Variants in KDM4C observed in about 807,000 individuals in gnomAD.
The protein encoded by KDM4C is lysine-specific demethylase 4C.
Under a neutral mutation model 129.3 loss-of-function variants are expected in KDM4C, and 81 were observed. That is an observed-to-expected ratio of 0.63 (90% CI 0.52 to 0.75). KDM4C has a LOEUF of 0.75. Ranked by LOEUF, KDM4C falls within the 30% of genes least tolerant of loss-of-function variation. The pLI is 0.00. For synonymous variants in KDM4C, 573 were observed against 456.1 expected, an observed-to-expected ratio of 1.26 and a Z score of -3.26; for missense variants, 1,457 against 1,304.0, an observed-to-expected ratio of 1.12 and a Z score of -1.81.
chr9:6,902,144 C>G (rs1480510261), intron 8 of KDM4C, among the ~76,000 whole-genome samples: 1 of 152,128 alleles, frequency 6.6e-6, no homozygotes, highest in Non-Finnish European at 1.5e-5. Context: ...AAAACATTAA[C>G]TTAATATCTA....
At chr9:7,088,295 G>C (rs1218257005) in intron 17 of KDM4C, among the ~76,000 whole-genome samples, 1 of 152,198 alleles carries the variant, frequency 6.6e-6, no homozygotes, top group Non-Finnish European at 1.5e-5. Flanking sequence ...ATGCTGTTTT[G>C]TTCATTCACA....
At chr9:7,056,505 A>G (rs1822269439) in intron 17 of KDM4C, among the ~76,000 whole-genome samples, 1 of 152,228 alleles carries the variant, frequency 6.6e-6, no homozygotes, top group Admixed American at 6.5e-5. Flanking sequence ...TCAGATGGGC[A>G]TGGCTACAAA....
intron 8 of KDM4C, among the ~76,000 whole-genome samples, chr9:6,935,584 A>ATT (rs61292057): frequency 2.0e-4 from 29 of 144,780 alleles, no homozygotes; most frequent in South Asian, 4.4e-4. Context: ...CGCCCGGCTA[A>ATT]TTTTTTTTTT....
At chr9:6,745,337 A>ATG (rs1817839084) in intron 1 of KDM4C, among the ~76,000 whole-genome samples, 2 of 151,932 alleles carry the variant, frequency 1.3e-5, no homozygotes, top group Non-Finnish European at 2.9e-5. Flanking sequence ...GGTGGCTCGC[A>ATG]CCTATAATCC....
At chr9:6,819,309 A>G (rs1052212537) in intron 4 of KDM4C, among the ~76,000 whole-genome samples, 1 of 152,200 alleles carries the variant, frequency 6.6e-6, no homozygotes, top group South Asian at 2.1e-4. Flanking sequence ...TTTGAAAGCC[A>G]TTTACTCATT....
At chr9:6,839,664 T>C (rs567421039) in intron 4 of KDM4C, among the ~76,000 whole-genome samples, 135 of 152,210 alleles carry the variant, frequency 8.9e-4, no homozygotes, top group Non-Finnish European at 1.7e-3. Flanking sequence ...CTCAGCACTT[T>C]TGGAGGCCGA....
chr9:6,724,201 A>G (rs925805603), intron 1 of KDM4C, among the ~76,000 whole-genome samples: 1 of 152,190 alleles, frequency 6.6e-6, no homozygotes, highest in Non-Finnish European at 1.5e-5. Context: ...TTCAGCTACA[A>G]GTGATGGTGA....
chr9:6,929,620 C>T (rs868665892), intron 8 of KDM4C, among the ~76,000 whole-genome samples: 1 of 151,870 alleles, frequency 6.6e-6, no homozygotes, highest in African/African-American at 2.4e-5. Context: ...TGGGTAGACT[C>T]TTTTTAGCAG....
In KDM4C at chr9:7,046,092, C is replaced by T. The variant is rs553328817; in HGVS notation, c.2260-770C>T. Among the ~76,000 whole-genome samples, 180 of 152,168 alleles carry T rather than the reference C, an allele frequency of 1.2e-3. 2 individuals carry two copies. The South Asian group carries it at 0.035, about 30-fold the overall frequency. On this transcript the variant is annotated intron_variant, in intron 15 of 21. Transcript: ENST00000381309. ...ATTTAGGTCAAGAGAAGGCAGTGCA[C>T]TGCTCTCTGGTCCTCCTTTTCCTGG...
chr9:6,723,630 C>G (rs908903768), intron 1 of KDM4C: 1 of 112,126 alleles, frequency 8.9e-6, no homozygotes, highest in African/African-American at 3.2e-5. Flanking sequence ...GACTCCATCT[C>G]AAAAAAAAAA....
intron 15 of KDM4C, among the ~76,000 whole-genome samples, chr9:7,029,934 A>G (rs527357148): frequency 2.2e-4 from 34 of 152,328 alleles, no homozygotes; most frequent in African/African-American, 7.7e-4. Context: ...CAAATAAAGT[A>G]TCAGTTGTGC....
intron 4 of KDM4C, among the ~76,000 whole-genome samples, chr9:6,815,490 G>C (rs1476017850): frequency 3.9e-5 from 6 of 152,054 alleles, no homozygotes; most frequent in Non-Finnish European, 8.8e-5. Flanking sequence ...GCTGGGATTA[G>C]AGGTGTGAAC....
At chr9:6,919,259 C>CTTTCTTTCTTTCT (rs1589105960) in intron 8 of KDM4C, among the ~76,000 whole-genome samples, 13 of 135,814 alleles carry the variant, frequency 9.6e-5, no homozygotes, top group African/African-American at 2.9e-4. Flanking sequence ...TTCTTTCTTT[C>CTTTCTTTCTTTCT]TTTCTTTCTT....
chr9:6,736,360 G>A (rs1026962870), intron 1 of KDM4C, among the ~76,000 whole-genome samples: 3 of 152,166 alleles, frequency 2.0e-5, no homozygotes, highest in African/African-American at 7.2e-5. Context: ...GAATGTCAGA[G>A]GTATTCATGG....
chr9:7,027,586 A>G (rs891311984), intron 15 of KDM4C, among the ~76,000 whole-genome samples: 1 of 152,118 alleles, frequency 6.6e-6, no homozygotes, highest in African/African-American at 2.4e-5. Flanking sequence ...TGTAACCACT[A>G]CTTGGCTACC....
intron 8 of KDM4C, among the ~76,000 whole-genome samples, chr9:6,896,602 A>AGAT (rs1055703801): frequency 2.2e-4 from 34 of 152,200 alleles, no homozygotes; most frequent in African/African-American, 7.9e-4. Flanking sequence ...GGTTTTGAAA[A>AGAT]GATAACCTCA....
intron 15 of KDM4C, among the ~76,000 whole-genome samples, chr9:7,029,785 T>A (rs1268308923): frequency 6.6e-6 from 1 of 152,208 alleles, no homozygotes; most frequent in Non-Finnish European, 1.5e-5. Flanking sequence ...TGAAGATTGA[T>A]AATGTAACAT....
chr9:6,769,016 A>C (rs1479765180), intron 1 of KDM4C, among the ~76,000 whole-genome samples: 1 of 151,708 alleles, frequency 6.6e-6, no homozygotes, highest in Non-Finnish European at 1.5e-5. Context: ...CAAATGATCC[A>C]CCCACCTCAG....
At chr9:7,036,392 T>G (rs1294995961) in intron 15 of KDM4C, among the ~76,000 whole-genome samples, 1 of 152,210 alleles carries the variant, frequency 6.6e-6, no homozygotes, top group Non-Finnish European at 1.5e-5. Context: ...TACTATTATG[T>G]AAATGTTGTA....
Sources: gnomAD v4.1 joint callset for allele counts (sites outside exome capture counted in the v4.1 genomes callset) on GRCh38, gnomAD v4.1.1 for gene constraint, MANE v1.5 for transcripts, NCBI Gene and HGNC (gene_info 2026-07-23, HGNC 2026-07-21) for gene names.